Variants in AMBN observed in about 807,000 individuals in gnomAD.
AMBN encodes the protein ameloblastin, also known as enamel matrix protein.
Under a neutral mutation model 48.0 loss-of-function variants are expected in AMBN, and 54 were observed. That is an observed-to-expected ratio of 1.12 (90% CI 0.90 to 1.41). AMBN has a LOEUF of 1.41. AMBN is among the 40% of genes most tolerant of loss of function. The probability of loss-of-function intolerance (pLI) is 0.00; values close to 1 mark genes in which losing one functional copy is unlikely to be tolerated. For missense variants in AMBN, 571 were observed against 547.3 expected (o/e 1.04, Z -0.43); for synonymous variants, 186 against 190.0 (o/e 0.98, Z 0.17).
chr4:70,604,230 G>T (rs1449314676), intron 12 of AMBN, among the ~76,000 whole-genome samples: 1 of 152,064 alleles, frequency 6.6e-6, no homozygotes, highest in Non-Finnish European at 1.5e-5. Context: ...AAACCAAAAG[G>T]ATACACGTGG....
At chr4:70,599,170 C>T (rs1737458516) in intron 4 of AMBN, among the ~76,000 whole-genome samples, 1 of 152,002 alleles carries the variant, frequency 6.6e-6, no homozygotes, top group African/African-American at 2.4e-5. Context: ...AGGCCAGGAG[C>T]AGTGGCTCAC....
At position 70,606,217 on chromosome 4, in the gene AMBN, C is replaced by T. The variant is rs769094247; in HGVS notation, c.831C>T (p.Ala277=). The change falls in exon 13 of 13, where the codon GCC becomes GCT. Residue 277 remains alanine, a synonymous_variant. Transcript: ENST00000322937. ...GGREDPMAYG[A]MFPGFGGMRP... Reference sequence around the variant, plus strand: ...GAGAAGACCCAATGGCCTATGGAGCCATGTTTCCAGGATTTGGAGGCATGA... The same window carrying T: ...GAGAAGACCCAATGGCCTATGGAGCTATGTTTCCAGGATTTGGAGGCATGA... 6.2e-7 allele frequency: 1 copy of T among 1,614,098 alleles called. No individual in the cohort carries two copies. Among genetic ancestry groups the T allele is most frequent in the Non-Finnish European group, 8.5e-7 (1 of 1,180,000 alleles).
At chr4:70,598,432 ATG>A in intron 4 of AMBN, 29 bp downstream of exon 4, 1 of 1,555,710 alleles carries the variant, frequency 6.4e-7, no homozygotes, top group African/African-American at 1.4e-5. Context: ...GCAAGTATTC[ATG>A]GTGGTGGTAG....
rs1478505991 is a variant in AMBN at position 70,599,756 on chromosome 4, A to C, written c.294+110A>C. 3 of 679,102 alleles carry C rather than the reference A, an allele frequency of 4.4e-6. No homozygotes were observed. In the East Asian group the frequency reaches 8.8e-5, roughly 20 times the overall value. 42.1% of individuals were successfully genotyped at this position (679,102 alleles called of 1,614,324 possible). The stretch of plus-strand genomic sequence containing the variant: ...AACAGCCAAGTCCTAGCATTAACAA[A>C]AAATTATTCTCGTGCCAAATAAATC... On this transcript the variant is annotated intron_variant, in intron 5 of 12. Transcript: ENST00000322937.
At chr4:70,597,578 G>C (rs2109800956) in intron 3 of AMBN, among the ~76,000 whole-genome samples, 1 of 152,094 alleles carries the variant, frequency 6.6e-6, no homozygotes, top group Admixed American at 6.5e-5. Context: ...CAGCAAAACA[G>C]AAATTTTGGT....
At position 70,606,641 on chromosome 4, in the gene AMBN, G is replaced by A. The variant is rs1345338912; in HGVS notation, c.1255G>A (p.Ala419Thr). 1.2e-6 allele frequency: 2 copies of A among 1,614,042 alleles called. No homozygotes were observed. Among genetic ancestry groups the A allele is most frequent in the Non-Finnish European group, 1.7e-6 (2 of 1,179,994 alleles). ...AGAAGCAACCATGGATACCACGATG[G>A]CCCCAAACTCTCTGCAAACATCCAT... Reference protein sequence around the residue: ...QEEATMDTTMAPNSLQTSMPG... With the variant: ...QEEATMDTTMTPNSLQTSMPG... The change falls in exon 13 of 13, where the codon GCC (alanine) becomes ACC (threonine). Residue 419 changes from alanine to threonine, a missense_variant. Transcript: ENST00000322937.
chr4:70,593,448 C>A, intron 2 of AMBN, 53 bp downstream of exon 2: 2 of 1,430,690 alleles, frequency 1.4e-6, no homozygotes, highest in Non-Finnish European at 9.9e-7. Context: ...TGTCGAACTC[C>A]AAACAACACT....
chr4:70,602,700 AT>A (rs1460557399), intron 7 of AMBN, 38 bp downstream of exon 7: 3 of 1,524,666 alleles, frequency 2.0e-6, no homozygotes, highest in East Asian at 2.3e-5. Context: ...TCTGTATTTT[AT>A]TTTTTAATTT....
Position 70,603,005 on chromosome 4 carries a change from T to TCA in AMBN, c.644_645dup (p.Thr216GlnfsTer6). 1 of 1,606,068 alleles carries TCA rather than the reference T, an allele frequency of 6.2e-7. No homozygotes were observed. The highest frequency in any genetic ancestry group is 8.5e-7 in the Non-Finnish European group (1 of 1,176,754). ...ATTGGATTTTGCTGATCCACAAGGT[T>TCA]CAACAGTAAGTACAGATCTCAATGA... On this transcript the variant is annotated frameshift_variant, in exon 9 of 13. Transcript: ENST00000322937. LOFTEE classifies it high-confidence loss of function.
In AMBN at chr4:70,606,602, G is replaced by A. The variant is rs770433471; in HGVS notation, c.1216G>A (p.Val406Met). Reference sequence around the variant, plus strand: ...CTACGATGCTGACATGACCACATCCGTGGATTTCCAGGAAGAAGCAACCAT... The same window carrying A: ...CTACGATGCTGACATGACCACATCCATGGATTTCCAGGAAGAAGCAACCAT... ...RTYDADMTTS[V>M]DFQEEATMDT... The change falls in exon 13 of 13, where the codon GTG becomes ATG. Residue 406 changes from valine to methionine, a missense_variant. Val to Met is a conservative substitution (Grantham distance 21). Coordinates refer to ENST00000322937, the MANE Select transcript of AMBN (RefSeq NM_016519.6). The A allele has an allele frequency of 2.1e-5, 34 of 1,614,120 alleles. No individual in the cohort carries two copies. The highest frequency in any genetic ancestry group is 1.6e-4 in the Middle Eastern group (1 of 6,062).
chr4:70,606,900 C>T lies in AMBN; in HGVS notation c.*170C>T, dbSNP rs1737673623. The T allele has an allele frequency of 1.5e-6, 1 of 669,104 alleles. No individual in the cohort carries two copies. 41.4% of individuals were successfully genotyped at this position (669,104 alleles called of 1,614,324 possible). A position where few individuals can be genotyped will look rare whatever the true frequency, so the allele number is the denominator to read the frequency against. ...AGAAATAGTGTAGGTCCCCTTCTTG[C>T]TTTCAATATCTTGTTGAAATAAAAT... is the stretch of plus-strand genomic sequence containing the variant. On this transcript the variant is annotated 3_prime_UTR_variant, in exon 13 of 13. Coordinates refer to ENST00000322937, the MANE Select transcript of AMBN (RefSeq NM_016519.6).
chr4:70,599,681 G>A (rs759822612), intron 5 of AMBN, 35 bp downstream of exon 5: 2 of 1,495,196 alleles, frequency 1.3e-6, no homozygotes, highest in African/African-American at 2.8e-5. Context: ...TGAAACCTCA[G>A]GCTTTAAAAC....
chr4:70,595,140 T>C (rs1040024274), intron 2 of AMBN, among the ~76,000 whole-genome samples: 3 of 151,962 alleles, frequency 2.0e-5, no homozygotes, highest in Admixed American at 1.3e-4. Context: ...AGCTAACCTC[T>C]TTCCTACCCA....
chr4:70,595,190 C>CA (rs1737360504), intron 2 of AMBN, among the ~76,000 whole-genome samples: 1 of 119,086 alleles, frequency 8.4e-6, no homozygotes, highest in Non-Finnish European at 1.7e-5. Context: ...TCCCTCTATT[C>CA]TTTTTTTTTT....
At position 70,606,203 on chromosome 4, in the gene AMBN, A is replaced by C; in HGVS notation, c.817A>C (p.Met273Leu). ...TTTCCAGGGCGGGAGAGAAGACCCAATGGCCTATGGAGCCATGTTTCCAGG... is the reference window on the plus strand; with the variant it reads ...TTTCCAGGGCGGGAGAGAAGACCCACTGGCCTATGGAGCCATGTTTCCAGG... ...EEVAGGREDP[M>L]AYGAMFPGFG... Residue 273 changes from methionine (M) to leucine (L), a missense_variant, in exon 13 of 13, where the codon ATG becomes CTG. Physicochemically the swap from Met to Leu is conservative, Grantham distance 15. Coordinates refer to ENST00000322937, the MANE Select transcript of AMBN (RefSeq NM_016519.6). 6.2e-7 allele frequency: 1 copy of C among 1,614,058 alleles called. No individual in the cohort carries two copies. Among genetic ancestry groups the C allele is most frequent in the Non-Finnish European group, 8.5e-7 (1 of 1,179,958 alleles).
At chr4:70,604,777 G>A (rs945209953) in intron 12 of AMBN, among the ~76,000 whole-genome samples, 1 of 150,212 alleles carries the variant, frequency 6.7e-6, no homozygotes, top group South Asian at 2.1e-4. Context: ...TGGATCACCC[G>A]AGATCAGGAG....
In AMBN at chr4:70,597,015, C is replaced by A; in HGVS notation, c.101C>A (p.Ser34Tyr). The change falls in exon 3 of 13, where the codon TCT becomes TAT. Residue 34 changes from serine to tyrosine, a missense_variant. Transcript: ENST00000322937. ...TTCATTCAGTTCTTTCCTCAGCAATCTGGAACACCGGGTATGGCTAGTTTG... is the reference window on the plus strand; with the variant it reads ...TTCATTCAGTTCTTTCCTCAGCAATATGGAACACCGGGTATGGCTAGTTTG... ...SFAVPFFPQQ[S>Y]GTPGMASLSL... 1 of 1,613,434 alleles carries A rather than the reference C, an allele frequency of 6.2e-7. No individual in the cohort carries two copies. The highest frequency in any genetic ancestry group is 8.5e-7 in the Non-Finnish European group (1 of 1,179,586).
chr4:70,604,028 G>T (rs891376570), intron 12 of AMBN, 107 bp downstream of exon 12: 16 of 1,092,534 alleles, frequency 1.5e-5, no homozygotes, highest in Admixed American at 1.3e-4. Context: ...ATGAGCATGG[G>T]ACTCAGATTT....
chr4:70,592,357 G>A lies in AMBN; in HGVS notation c.-2G>A, dbSNP rs753314472. 6.2e-7 allele frequency: 1 copy of A among 1,614,024 alleles called. No homozygotes were observed. The highest frequency in any genetic ancestry group is 1.1e-5 in the South Asian group (1 of 91,076). ...CATCATCAGGCCCTGAGAGCACAGT[G>A]CATGTCAGCATCTAAGGTAAAATGG... On this transcript the variant is annotated 5_prime_UTR_variant, in exon 1 of 13. Coordinates refer to ENST00000322937, the MANE Select transcript of AMBN (RefSeq NM_016519.6).
Sources: gnomAD v4.1 joint callset for allele counts (sites outside exome capture counted in the v4.1 genomes callset) on GRCh38, gnomAD v4.1.1 for gene constraint, MANE v1.5 for transcripts, NCBI Gene and HGNC (gene_info 2026-07-23, HGNC 2026-07-21) for gene names.